The following SERGEF variants were observed in gnomAD, a reference collection of about 807,000 sequenced individuals.
SERGEF encodes the protein secretion regulating guanine nucleotide exchange factor.
In SERGEF, 51 loss-of-function variants were observed where a neutral mutation model predicts 50.0. That is an observed-to-expected ratio of 1.02 (90% CI 0.81 to 1.29). The LOEUF is 1.29. Ranked by LOEUF, SERGEF falls within the 50% of genes most tolerant of loss-of-function variation. The pLI is 0.00. For missense variants in SERGEF, 521 were observed against 557.0 expected (o/e 0.94, Z 0.65); for synonymous variants, 205 against 212.4 (o/e 0.97, Z 0.30).
intron 10 of SERGEF, among the ~76,000 whole-genome samples, chr11:17,803,454 G>A (rs1029739911): frequency 2.0e-5 from 3 of 152,268 alleles, no homozygotes; most frequent in Non-Finnish European, 4.4e-5. Context: ...TTGCTGCTCA[G>A]TAGTTTTGGA....
chr11:17,924,856 C>A (rs960226376), intron 9 of SERGEF, among the ~76,000 whole-genome samples: 2 of 152,104 alleles, frequency 1.3e-5, no homozygotes, highest in Non-Finnish European at 2.9e-5. Context: ...TGCTGTCTTA[C>A]AATTTGTGCA....
intron 9 of SERGEF, among the ~76,000 whole-genome samples, chr11:17,900,514 T>C (rs1262622481): frequency 2.6e-5 from 4 of 152,238 alleles, no homozygotes; most frequent in African/African-American, 7.2e-5. Flanking sequence ...TATATGCTAA[T>C]GGCTCCAATT....
At chr11:17,963,439 G>C (rs1311933961) in intron 8 of SERGEF, among the ~76,000 whole-genome samples, 2 of 148,116 alleles carry the variant, frequency 1.4e-5, no homozygotes, top group Admixed American at 6.7e-5. Flanking sequence ...CCAGGCTGGA[G>C]TGCAGTGGCA....
intron 10 of SERGEF, among the ~76,000 whole-genome samples, chr11:17,846,051 C>T (rs1850604235): frequency 6.6e-6 from 1 of 152,136 alleles, no homozygotes; most frequent in Admixed American, 6.5e-5. Context: ...GAGGTAGGGG[C>T]AGATAAGACT....
intron 10 of SERGEF, among the ~76,000 whole-genome samples, chr11:17,805,414 G>T (rs527910757): frequency 6.6e-6 from 1 of 152,198 alleles, no homozygotes; most frequent in Non-Finnish European, 1.5e-5. Flanking sequence ...TGTGCTGGGC[G>T]TACAGCCTTG....
chr11:18,004,316 CT>C, intron 4 of SERGEF, 124 bp downstream of exon 4: 1 of 613,642 alleles, frequency 1.6e-6, no homozygotes, highest in Non-Finnish European at 2.7e-6. Flanking sequence ...TATTTTTCAA[CT>C]CAAATTCTCC....
intron 10 of SERGEF, chr11:17,874,317 G>A (rs1851203359): frequency 6.6e-6 from 1 of 152,160 alleles, no homozygotes; most frequent in Non-Finnish European, 1.5e-5. Context: ...ATTGTACAAG[G>A]CATATAGGCA....
chr11:17,986,178 C>A, intron 8 of SERGEF, among the ~76,000 whole-genome samples: 1 of 152,106 alleles, frequency 6.6e-6, no homozygotes. Context: ...ATCTTATTCC[C>A]ATTAATGTGA....
chr11:17,995,699 T>C (rs1433640299), intron 6 of SERGEF, 97 bp downstream of exon 6: 6 of 854,752 alleles, frequency 7.0e-6, no homozygotes, highest in Middle Eastern at 2.2e-4. Context: ...GACCAAGAAA[T>C]AGCAAAATCA....
At chr11:17,930,883 T>C (rs1449511094) in intron 9 of SERGEF, among the ~76,000 whole-genome samples, 1 of 152,172 alleles carries the variant, frequency 6.6e-6, no homozygotes, top group African/African-American at 2.4e-5. Context: ...GTCAGTCAGC[T>C]GTAATCAGCA....
intron 9 of SERGEF, among the ~76,000 whole-genome samples, chr11:17,958,042 T>C (rs996143818): frequency 5.3e-5 from 8 of 152,218 alleles, no homozygotes; most frequent in Admixed American, 4.6e-4. Context: ...TATTATTACA[T>C]GTAAATTGTC....
chr11:17,832,161 C>T (rs561166015), intron 10 of SERGEF, among the ~76,000 whole-genome samples: 4 of 152,324 alleles, frequency 2.6e-5, no homozygotes, highest in East Asian at 1.9e-4. Context: ...CCCCATCCAA[C>T]TCTCATCTTG....
chr11:17,928,935 AT>A (rs945157513), intron 9 of SERGEF, among the ~76,000 whole-genome samples: 25 of 152,216 alleles, frequency 1.6e-4, no homozygotes, highest in African/African-American at 6.0e-4. Flanking sequence ...ACTAGATGCT[AT>A]TTATATTTTA....
intron 9 of SERGEF, among the ~76,000 whole-genome samples, chr11:17,936,604 T>C (rs1475165628): frequency 1.3e-5 from 2 of 152,104 alleles, no homozygotes; most frequent in African/African-American, 2.4e-5. Flanking sequence ...TCCAAGGTAA[T>C]ACGAAGCTTC....
At chr11:17,937,682 T>A in intron 9 of SERGEF, among the ~76,000 whole-genome samples, 1 of 152,208 alleles carries the variant, frequency 6.6e-6, no homozygotes, top group African/African-American at 2.4e-5. Flanking sequence ...TTTAATATTA[T>A]TTTTAAAAAT....
chr11:17,936,174 A>G (rs1184412796), intron 9 of SERGEF, among the ~76,000 whole-genome samples: 1 of 152,240 alleles, frequency 6.6e-6, no homozygotes, highest in Non-Finnish European at 1.5e-5. Flanking sequence ...AGAAGCACAT[A>G]CAAACATGAT....
At chr11:17,846,262 C>A (rs1850609714) in intron 10 of SERGEF, among the ~76,000 whole-genome samples, 1 of 152,210 alleles carries the variant, frequency 6.6e-6, no homozygotes, top group African/African-American at 2.4e-5. Flanking sequence ...CTCATGTCCA[C>A]CTGTGTATCG....
chr11:17,841,029 C>T (rs539988160), intron 10 of SERGEF, among the ~76,000 whole-genome samples: 3 of 152,330 alleles, frequency 2.0e-5, no homozygotes, highest in East Asian at 3.9e-4. Context: ...TCTCCCCAGA[C>T]TGTTCCTGTT....
chr11:17,922,103 T>C (rs1055230311), intron 9 of SERGEF, among the ~76,000 whole-genome samples: 4 of 152,206 alleles, frequency 2.6e-5, no homozygotes, highest in Admixed American at 6.5e-5. Flanking sequence ...AGTTACCCAA[T>C]GGCAACGTCT....
Sources: allele counts gnomAD v4.1 joint callset (sites outside exome capture counted in the v4.1 genomes callset), GRCh38; gene constraint gnomAD v4.1.1; transcripts MANE v1.5; gene names NCBI Gene and HGNC (gene_info 2026-07-23, HGNC 2026-07-21).